Variants in FAM220A observed in about 807,000 individuals in gnomAD.
FAM220A encodes family with sequence similarity 220 member A.
For synonymous variants in FAM220A, 141 were observed against 130.7 expected (o/e 1.08, Z -0.54); for missense variants, 392 against 321.6 (o/e 1.22, Z -1.68).
At chr7:6,332,501 CAT>C (rs1350401748) in intron 1 of FAM220A, among the ~76,000 whole-genome samples, 2 of 152,078 alleles carry the variant, frequency 1.3e-5, no homozygotes, top group African/African-American at 4.8e-5. Flanking sequence ...AATTTTGACA[CAT>C]GATGTGTTCA....
At chr7:6,342,490 G>A (rs913958376) in intron 1 of FAM220A, among the ~76,000 whole-genome samples, 8 of 151,454 alleles carry the variant, frequency 5.3e-5, no homozygotes, top group Admixed American at 1.3e-4. Flanking sequence ...AGTGAGCCAA[G>A]ATCACACCAT....
At chr7:6,339,865 G>T (rs905698880) in intron 1 of FAM220A, among the ~76,000 whole-genome samples, 1 of 151,062 alleles carries the variant, frequency 6.6e-6, no homozygotes, top group African/African-American at 2.4e-5. Flanking sequence ...GCAGAGGCCG[G>T]GTGCCAGCTC....
Position 6,330,200 on chromosome 7 carries a change from T to G in FAM220A, c.*175A>C. 1.5e-6 allele frequency: 1 copy of G among 652,886 alleles called. No individual in the cohort carries two copies. Among genetic ancestry groups the G allele is most frequent in the Non-Finnish European group, 2.6e-6 (1 of 380,146 alleles). The allele number at this position is 652,886 out of a possible 1,614,324, so 40.4% of individuals were successfully genotyped here. Reference sequence around the variant, plus strand: ...ACAATTTAACACATGCCAAAAAAGTTCCTTCCGCATCAACTGGCTTTGAAT... The same window carrying G: ...ACAATTTAACACATGCCAAAAAAGTGCCTTCCGCATCAACTGGCTTTGAAT... On this transcript the variant is annotated 3_prime_UTR_variant, in exon 2 of 2. Coordinates refer to ENST00000313324, the MANE Select transcript of FAM220A (RefSeq NM_001037163.2).
Position 6,348,746 on chromosome 7 carries a change from G to C in FAM220A, c.-255C>G. Reference sequence around the variant, plus strand: ...GAGAGCCGGACAGCCAGGCCCGACAGAGCCGCCGCCATATAGAGACCGGCG... The same window carrying C: ...GAGAGCCGGACAGCCAGGCCCGACACAGCCGCCGCCATATAGAGACCGGCG... On this transcript the variant is annotated 5_prime_UTR_variant, in exon 1 of 2. Transcript: ENST00000313324. The C allele has an allele frequency of 2.4e-6, 1 of 410,102 alleles. No individual in the cohort carries two copies. The highest frequency in any genetic ancestry group is 4.3e-6 in the Non-Finnish European group (1 of 231,808). 25.4% of individuals were successfully genotyped at this position (410,102 alleles called of 1,614,324 possible). A position where few individuals can be genotyped will look rare whatever the true frequency, so the allele number is the denominator to read the frequency against.
chr7:6,343,137 G>A (rs1231282563), intron 1 of FAM220A, among the ~76,000 whole-genome samples: 1 of 151,700 alleles, frequency 6.6e-6, no homozygotes, highest in Non-Finnish European at 1.5e-5. Flanking sequence ...AGCACCTTGG[G>A]AGGCCGAGGA....
chr7:6,344,032 T>G (rs1781914551), intron 1 of FAM220A, among the ~76,000 whole-genome samples: 1 of 151,874 alleles, frequency 6.6e-6, no homozygotes, highest in Non-Finnish European at 1.5e-5. Context: ...ACTACAGGCA[T>G]GCACCACTAC....
In FAM220A at chr7:6,330,763, AGCCAGTCTCGCC is replaced by A. The variant is rs999807130; in HGVS notation, c.380_391del (p.Arg127_Trp130del). On this transcript the variant is annotated inframe_deletion, in exon 2 of 2. Transcript: ENST00000313324. ...GTCAGTGGCCCTGGGCCCTCCTCCCAGCCAGTCTCGCCGCCCCAGAGCTTCAACACCACTGCA... is the reference window on the plus strand; with the variant it reads ...GTCAGTGGCCCTGGGCCCTCCTCCCAGCCCCAGAGCTTCAACACCACTGCA... 2 of 1,613,976 alleles carry A rather than the reference AGCCAGTCTCGCC, an allele frequency of 1.2e-6. No individual in the cohort carries two copies. Among genetic ancestry groups the A allele is most frequent in the African/African-American group, 2.7e-5 (2 of 74,906 alleles).
chr7:6,345,517 G>A (rs576056440), intron 1 of FAM220A, among the ~76,000 whole-genome samples: 4 of 152,152 alleles, frequency 2.6e-5, no homozygotes, highest in Non-Finnish European at 4.4e-5. Context: ...AGACTAGAGA[G>A]GTGGTTATAA....
intron 1 of FAM220A, among the ~76,000 whole-genome samples, chr7:6,340,898 C>CAA (rs34572127): frequency 0.014 from 477 of 33,642 alleles, 13 homozygotes; most frequent in African/African-American, 0.058. Flanking sequence ...GACTCCATCT[C>CAA]AAAAAAAAAA....
intron 1 of FAM220A, among the ~76,000 whole-genome samples, chr7:6,342,419 C>A (rs12056244): frequency 0.019 from 2,864 of 152,036 alleles, 42 homozygotes; most frequent in East Asian, 0.053. Flanking sequence ...GTGGTAGGCA[C>A]CTGTAATCCC....
At chr7:6,342,834 C>T (rs1331971251) in intron 1 of FAM220A, among the ~76,000 whole-genome samples, 1 of 151,534 alleles carries the variant, frequency 6.6e-6, no homozygotes, top group Non-Finnish European at 1.5e-5. Context: ...GCCAGGAGTT[C>T]GAGACCACCC....
At chr7:6,331,553 T>C (rs1477403559) in intron 1 of FAM220A, among the ~76,000 whole-genome samples, 1 of 152,052 alleles carries the variant, frequency 6.6e-6, no homozygotes, top group East Asian at 1.9e-4. Flanking sequence ...GCTAATTTTT[T>C]GTATTTTTAA....
chr7:6,337,077 T>TC (rs2115135889), intron 1 of FAM220A, among the ~76,000 whole-genome samples: 1 of 152,008 alleles, frequency 6.6e-6, no homozygotes, highest in East Asian at 1.9e-4. Flanking sequence ...TTAATTCTTT[T>TC]TTTTTTTTTG....
At chr7:6,347,905 T>TTATTA (rs1210405864) in intron 1 of FAM220A, among the ~76,000 whole-genome samples, 1 of 146,346 alleles carries the variant, frequency 6.8e-6, no homozygotes, top group African/African-American at 2.5e-5. Flanking sequence ...ATTATTATTA[T>TTATTA]TATTATTATT....
intron 1 of FAM220A, among the ~76,000 whole-genome samples, chr7:6,340,791 C>G (rs541331892): frequency 6.7e-6 from 1 of 149,832 alleles, no homozygotes; most frequent in African/African-American, 2.5e-5. Flanking sequence ...CCCAGCTACT[C>G]GGGAGGCTGA....
intron 1 of FAM220A, among the ~76,000 whole-genome samples, chr7:6,333,499 G>C (rs1781680225): frequency 1.3e-5 from 2 of 152,114 alleles, no homozygotes; most frequent in African/African-American, 4.8e-5. Flanking sequence ...GTTTCATATT[G>C]TTGTTGTTGC....
intron 1 of FAM220A, among the ~76,000 whole-genome samples, chr7:6,334,097 T>A (rs376965185): frequency 2.6e-5 from 4 of 151,256 alleles, no homozygotes; most frequent in Non-Finnish European, 5.9e-5. Flanking sequence ...CCGCCCACCT[T>A]GGCCTCCCAA....
rs551184100 is a variant in FAM220A at position 6,337,827 on chromosome 7, A to G, written c.-81-6592T>C. 1.0e-4 allele frequency among the ~76,000 whole-genome samples: 15 copies of G among 145,824 alleles called. No individual in the cohort carries two copies. In the South Asian group the frequency reaches 3.0e-3, roughly 29 times the overall value. ...TTTATTTATTTATTTATTTTGAGAC[A>G]GAGTCTTGCTCTGTCACCCAGGCTG... On this transcript the variant is annotated intron_variant, in intron 1 of 1. Coordinates refer to ENST00000313324, the MANE Select transcript of FAM220A (RefSeq NM_001037163.2).
chr7:6,347,710 T>C (rs2115153998), intron 1 of FAM220A, among the ~76,000 whole-genome samples: 1 of 151,910 alleles, frequency 6.6e-6, no homozygotes, highest in East Asian at 1.9e-4. Context: ...ACGGTACATT[T>C]ATCAAAACGC....
Sources: gnomAD v4.1 joint callset for allele counts (sites outside exome capture counted in the v4.1 genomes callset) on GRCh38, gnomAD v4.1.1 for gene constraint, MANE v1.5 for transcripts, NCBI Gene and HGNC (gene_info 2026-07-23, HGNC 2026-07-21) for gene names.